Variants in NUAK2 observed in about 807,000 individuals in gnomAD.
NUAK2 encodes the protein NUAK family kinase 2, also known as NUAK family SNF1-like kinase 2.
A neutral mutation model predicts 29.8 loss-of-function variants in NUAK2; 20 were observed. The observed-to-expected ratio is 0.67, with a 90% CI of 0.47 to 0.98. The LOEUF is 0.98. NUAK2 is among the 50% of genes least tolerant of loss of function. The pLI is 0.00. For missense variants in NUAK2, 719 were observed against 834.5 expected (o/e 0.86, Z 1.71); for synonymous variants, 331 against 342.6 (o/e 0.97, Z 0.37).
At chr1:205,305,579 C>A in intron 5 of NUAK2, 1 of 886,374 alleles carries the variant, frequency 1.1e-6, no homozygotes, top group Non-Finnish European at 1.4e-6. Context: ...TGACAGATAT[C>A]ATCTCTACAT....
intron 1 of NUAK2, among the ~76,000 whole-genome samples, chr1:205,314,929 G>C (rs1167235728): frequency 6.6e-6 from 1 of 152,088 alleles, no homozygotes; most frequent in African/African-American, 2.4e-5. Context: ...TGTTAGAGGG[G>C]CTGGAAGGAG....
chr1:205,310,897 G>T (rs1038212969), intron 2 of NUAK2, among the ~76,000 whole-genome samples: 2 of 152,106 alleles, frequency 1.3e-5, no homozygotes, highest in Middle Eastern at 6.3e-3. Context: ...CTATGAACAC[G>T]ACCCAAGAGC....
At position 205,304,178 on chromosome 1, in the gene NUAK2, G is replaced by A. The variant is rs757705183; in HGVS notation, c.1159C>T (p.Leu387Phe). The stretch of plus-strand genomic sequence containing the variant: ...GTGTCATCAGCCGTGTCACTGTGGA[G>A]AGACTGGGCCATGTCATTCTCCTTG... ...SRKENDMAQS[L>F]HSDTADDTAH... is the part of the protein sequence containing the mutation. Residue 387 changes from leucine to phenylalanine, a missense_variant, in exon 7 of 7, where the codon CTC becomes TTC. Physicochemically the swap from Leu to Phe is conservative, Grantham distance 22. Transcript: ENST00000367157. The surrounding 1 kb of genome is among the most constrained non-coding windows in gnomAD (Gnocchi z 6.5). 6.2e-7 allele frequency: 1 copy of A among 1,614,206 alleles called. No homozygotes were observed. Among genetic ancestry groups the A allele is most frequent in the South Asian group, 1.1e-5 (1 of 91,084 alleles).
rs1178769029 is a variant in NUAK2, at chr1:205,302,323, T to C, written c.*1127A>G. On this transcript the variant is annotated 3_prime_UTR_variant, in exon 7 of 7. Transcript: ENST00000367157. ...AAAGCCAAGAACATAAAAATAAATA[T>C]GGACATTCTAGAGTCCTGAAGGCCT... 6.6e-6 allele frequency: 1 copy of C among 152,614 alleles called. No individual in the cohort carries two copies. The highest frequency in any genetic ancestry group is 1.5e-5 in the Non-Finnish European group (1 of 68,030). 9.5% of individuals were successfully genotyped at this position (152,614 alleles called of 1,614,324 possible). A position where few individuals can be genotyped will look rare whatever the true frequency, so the allele number is the denominator to read the frequency against.
intron 2 of NUAK2, among the ~76,000 whole-genome samples, chr1:205,311,394 A>C (rs1054932607): frequency 1.3e-5 from 2 of 152,196 alleles, no homozygotes; most frequent in African/African-American, 4.8e-5. Context: ...CAACAAAAAA[A>C]CCTGCAATTC....
intron 2 of NUAK2, 109 bp downstream of exon 2, chr1:205,311,596 T>C: frequency 7.4e-7 from 1 of 1,355,464 alleles, no homozygotes; most frequent in Non-Finnish European, 1.0e-6. Flanking sequence ...AGAGCCTATA[T>C]TTTTTTTACT....
At chr1:205,311,454 C>T (rs905940344) in intron 2 of NUAK2, among the ~76,000 whole-genome samples, 2 of 152,178 alleles carry the variant, frequency 1.3e-5, no homozygotes, top group African/African-American at 4.8e-5. Context: ...ACAGTTTGAT[C>T]TTTGCAACCA....
chr1:205,308,195 G>A lies in NUAK2; in HGVS notation c.540C>T (p.Asn180=). The change falls in exon 4 of 7, where the codon AAC becomes AAT. Residue 180 remains asparagine (N), a synonymous_variant. Coordinates refer to ENST00000367157, the MANE Select transcript of NUAK2 (RefSeq NM_030952.3). The surrounding 1 kb of genome is among the most constrained non-coding windows in gnomAD (Gnocchi z 4.1). Reference sequence around the variant, plus strand: ...TATTCCCATTGGCATCCAAGAGGATGTTCTCCAGCTTGAGATCTCGGTGGA... The same window carrying A: ...TATTCCCATTGGCATCCAAGAGGATATTCTCCAGCTTGAGATCTCGGTGGA... ...RVVHRDLKLE[N]ILLDANGNIK... is the part of the protein sequence containing the mutation. 1.2e-6 allele frequency: 2 copies of A among 1,607,048 alleles called. No individual in the cohort carries two copies. The highest frequency in any genetic ancestry group is 2.2e-5 in the East Asian group (1 of 44,460).
rs199964632 is a variant in NUAK2, at chr1:205,303,826, A to G, written c.1511T>C (p.Leu504Pro). 1.2e-6 allele frequency: 2 copies of G among 1,601,436 alleles called. No homozygotes were observed. The highest frequency in any genetic ancestry group is 1.1e-5 in the South Asian group (1 of 89,806). ...LLLHRKGILK[L>P]NGKFSQTALE... ...GGCTGTCTGGGAGAACTTGCCATTG[A>G]GTTTGAGGATGCCTTTGCGATGGAG... is the stretch of plus-strand genomic sequence containing the variant. Residue 504 changes from leucine (L) to proline (P), a missense_variant, in exon 7 of 7, where the codon CTC (leucine) becomes CCC (proline). Physicochemically the swap from Leu to Pro is moderately conservative, Grantham distance 98 (BLOSUM62 -3). Transcript: ENST00000367157.
intron 4 of NUAK2, among the ~76,000 whole-genome samples, chr1:205,306,612 T>C (rs1160808292): frequency 1.1e-4 from 16 of 152,174 alleles, no homozygotes; most frequent in Admixed American, 9.8e-4. Context: ...CTCATGCCCA[T>C]ATCCCTTGGA....
chr1:205,321,547 T>G lies in NUAK2; in HGVS notation c.82A>C (p.Ile28Leu). ...ELARPLAEGL[I>L]KSPKPLMKKQ... The stretch of plus-strand genomic sequence containing the variant: ...TTCATTAGGGGCTTGGGCGACTTGA[T>G]CAGCCCTTCCGCCAGCGGCCGGGCT... Residue 28 changes from isoleucine to leucine, a missense_variant, in exon 1 of 7, where the codon ATC becomes CTC. Ile to Leu is a conservative substitution (Grantham distance 5, BLOSUM62 2). Around this residue, in one of 3 missense-constraint regions of NUAK2, gnomAD observed 283 missense variants for 345.6 expected, o/e 0.82. Coordinates refer to ENST00000367157, the MANE Select transcript of NUAK2 (RefSeq NM_030952.3). 1 of 1,613,790 alleles carries G rather than the reference T, an allele frequency of 6.2e-7. No homozygotes were observed. The highest frequency in any genetic ancestry group is 8.5e-7 in the Non-Finnish European group (1 of 1,179,880).
chr1:205,321,703 G>A lies in NUAK2; in HGVS notation c.-75C>T, dbSNP rs1662423544. The A allele has an allele frequency of 2.5e-5, 31 of 1,233,330 alleles. No homozygotes were observed. Among genetic ancestry groups the A allele is most frequent in the Non-Finnish European group, 3.4e-5 (30 of 877,874 alleles). 76.4% of individuals were successfully genotyped at this position (1,233,330 alleles called of 1,614,324 possible). On this transcript the variant is annotated 5_prime_UTR_variant, in exon 1 of 7. Coordinates refer to ENST00000367157, the MANE Select transcript of NUAK2 (RefSeq NM_030952.3). The stretch of plus-strand genomic sequence containing the variant: ...GGGAGGGCTGAAGCGCGGGGCACAG[G>A]TCCCGCACCAGGACGGGGAGCCACA...
Position 205,303,303 on chromosome 1 carries a change from C to T in NUAK2, c.*147G>A, listed in dbSNP as rs542900471. The T allele has an allele frequency of 3.3e-6, 2 of 611,290 alleles. No individual in the cohort carries two copies. Among genetic ancestry groups the T allele is most frequent in the Admixed American group, 3.6e-5 (1 of 28,046 alleles). The allele number at this position is 611,290 out of a possible 1,614,324, so 37.9% of individuals were successfully genotyped here. On this transcript the variant is annotated 3_prime_UTR_variant, in exon 7 of 7. Coordinates refer to ENST00000367157, the MANE Select transcript of NUAK2 (RefSeq NM_030952.3). ...ATTTCATTTGCCTACTTCCCATATC[C>T]AGCCCTGCTCAGGGCTCCACTGCAA...
At chr1:205,321,212 G>T (rs1360736751) in intron 1 of NUAK2, among the ~76,000 whole-genome samples, 186 bp downstream of exon 1, 5 of 152,168 alleles carry the variant, frequency 3.3e-5, no homozygotes, top group Admixed American at 6.5e-5. Context: ...TGCGACCACT[G>T]TCCCTGCAAT....
In NUAK2 at chr1:205,304,882, A is replaced by G. The variant is rs1662157298; in HGVS notation, c.823+317T>C. On this transcript the variant is annotated intron_variant, in intron 6 of 6. Transcript: ENST00000367157. This position sits in a 1 kb window ranked among gnomAD's most constrained non-coding sequence, Gnocchi z 6.5. ...CCCTTCTTCCTGCCTTCTGAGTCAT[A>G]GTGAAGGACAAAAAGATTTCTGAAG... Among the ~76,000 whole-genome samples, 1 of 152,228 alleles carries G rather than the reference A, an allele frequency of 6.6e-6. No homozygotes were observed. Among genetic ancestry groups the G allele is most frequent in the African/African-American group, 2.4e-5 (1 of 41,458 alleles).
chr1:205,311,928 G>A, intron 1 of NUAK2, 103 bp from the exon 2 acceptor site: 2 of 1,461,138 alleles, frequency 1.4e-6, no homozygotes, highest in East Asian at 2.3e-5. Flanking sequence ...AGGCCACAGA[G>A]TACACCCATA....
intron 1 of NUAK2, among the ~76,000 whole-genome samples, chr1:205,320,209 C>A (rs1209862862): frequency 6.6e-6 from 1 of 152,104 alleles, no homozygotes; most frequent in Non-Finnish European, 1.5e-5. Context: ...CCTTTCTGGG[C>A]TGCCCTTTCC....
At chr1:205,313,247 GAAAA>G (rs57757397) in intron 1 of NUAK2, among the ~76,000 whole-genome samples, 3 of 126,608 alleles carry the variant, frequency 2.4e-5, no homozygotes, top group African/African-American at 8.5e-5. Flanking sequence ...AAATTATGAA[GAAAA>G]AAAAAAAAAG....
At position 205,312,539 on chromosome 1, in the gene NUAK2, G is replaced by T. The variant is rs190804461; in HGVS notation, c.232-714C>A. The stretch of plus-strand genomic sequence containing the variant: ...GATAGGTCTGGGTGCGGTAGCTCAA[G>T]CCTGTAATCCAAGCACTTTGGGAAG... On this transcript the variant is annotated intron_variant, in intron 1 of 6. Transcript: ENST00000367157. 2.8e-4 allele frequency among the ~76,000 whole-genome samples: 42 copies of T among 152,324 alleles called. No individual in the cohort carries two copies. The East Asian group carries it at 7.5e-3, about 27-fold the overall frequency.
Sources: allele counts gnomAD v4.1 joint callset (sites outside exome capture counted in the v4.1 genomes callset), GRCh38; gene constraint gnomAD v4.1.1; regional missense constraint gnomAD v4.1.1; non-coding constraint Gnocchi (gnomAD v3.1); transcripts MANE v1.5; gene names NCBI Gene and HGNC (gene_info 2026-07-23, HGNC 2026-07-21).